PTPRT: variants seen among roughly 807,000 people sequenced by gnomAD.
The protein encoded by PTPRT is protein tyrosine phosphatase receptor type T.
A neutral mutation model predicts 176.8 loss-of-function variants in PTPRT; 56 were observed. The observed-to-expected ratio is 0.32, with a 90% CI of 0.26 to 0.40. The LOEUF (loss-of-function observed/expected upper bound fraction) is 0.40, where lower values mean the gene tolerates loss of function less well. Among genes scored for constraint, PTPRT ranks in the 10% least tolerant of loss-of-function variants. PTPRT has a pLI of 1.00. For missense variants in PTPRT, 1,540 were observed against 1,908.2 expected (o/e 0.81, Z 3.60); for synonymous variants, 783 against 739.0 (o/e 1.06, Z -0.96).
chr20:42,107,406 C>T (rs1401023298), intron 23 of PTPRT, among the ~76,000 whole-genome samples: 4 of 152,146 alleles, frequency 2.6e-5, no homozygotes, highest in East Asian at 1.9e-4. Flanking sequence ...CAGCTGTTTT[C>T]GCAGGATCGT....
chr20:42,082,358 C>G (rs2144002), intron 29 of PTPRT, among the ~76,000 whole-genome samples: 30,538 of 152,196 alleles, frequency 0.2, 5,299 homozygotes, highest in African/African-American at 0.45. Context: ...CACCCAAACC[C>G]CAAGGGCAGG....
At chr20:42,378,366 A>C (rs2058669425) in intron 9 of PTPRT, among the ~76,000 whole-genome samples, 1 of 152,188 alleles carries the variant, frequency 6.6e-6, no homozygotes, top group African/African-American at 2.4e-5. Context: ...CATCTCGAAA[A>C]GTCAGGATTT....
chr20:42,488,918 C>A, intron 7 of PTPRT, among the ~76,000 whole-genome samples: 1 of 149,066 alleles, frequency 6.7e-6, no homozygotes, highest in African/African-American at 2.5e-5. Flanking sequence ...GAGCTGCACT[C>A]CAGCCTGGGC....
chr20:42,199,474 C>T lies in PTPRT; in HGVS notation c.2343-86G>A, dbSNP rs117023281. The T allele has an allele frequency of 7.8e-4, 1,115 of 1,435,300 alleles. 6 individuals are homozygous for T. In the East Asian group the frequency reaches 0.024, roughly 31 times the overall value. 88.9% of individuals were successfully genotyped at this position (1,435,300 alleles called of 1,614,324 possible). A position where few individuals can be genotyped will look rare whatever the true frequency, so the allele number is the denominator to read the frequency against. The stretch of plus-strand genomic sequence containing the variant: ...TTGGGTAGATTGTTCTTCCCCAATG[C>T]TCATCCTCAACCCCCAAATCTGGTT... On this transcript the variant is annotated intron_variant, in intron 15 of 30. Coordinates refer to ENST00000373187, the MANE Select transcript of PTPRT (RefSeq NM_007050.6).
intron 1 of PTPRT, among the ~76,000 whole-genome samples, chr20:42,936,307 C>A (rs1980187866): frequency 6.6e-6 from 1 of 152,162 alleles, no homozygotes; most frequent in Admixed American, 6.5e-5. Flanking sequence ...AAGAAGCTAT[C>A]ACATGGTTGT....
intron 11 of PTPRT, among the ~76,000 whole-genome samples, chr20:42,349,299 G>A (rs2058242159): frequency 6.6e-6 from 1 of 152,078 alleles, no homozygotes; most frequent in Non-Finnish European, 1.5e-5. Flanking sequence ...AGCAACAACC[G>A]CCCTGGTTGC....
intron 7 of PTPRT, among the ~76,000 whole-genome samples, chr20:42,615,201 C>A (rs2074051449): frequency 7.6e-6 from 1 of 130,894 alleles, no homozygotes; most frequent in Non-Finnish European, 1.6e-5. Context: ...GTTTTTTGTT[C>A]TTGCGATAGT....
intron 1 of PTPRT, among the ~76,000 whole-genome samples, chr20:43,139,110 A>G (rs965253945): frequency 2.6e-5 from 4 of 152,188 alleles, no homozygotes; most frequent in African/African-American, 7.2e-5. Flanking sequence ...CACTTAATCT[A>G]ATAGAGACCG....
At chr20:42,262,654 C>A (rs2056769231) in intron 13 of PTPRT, among the ~76,000 whole-genome samples, 2 of 152,200 alleles carry the variant, frequency 1.3e-5, no homozygotes, top group East Asian at 1.9e-4. Flanking sequence ...GGTGAGTATA[C>A]CATGCCTGGC....
At chr20:42,621,756 G>A (rs1476866657) in intron 7 of PTPRT, among the ~76,000 whole-genome samples, 6 of 152,048 alleles carry the variant, frequency 3.9e-5, no homozygotes, top group Non-Finnish European at 8.8e-5. Flanking sequence ...CTAGATCCTG[G>A]TGACTCTCAA....
intron 15 of PTPRT, among the ~76,000 whole-genome samples, chr20:42,232,946 C>T (rs1199389626): frequency 6.6e-6 from 1 of 152,120 alleles, no homozygotes; most frequent in African/African-American, 2.4e-5. Context: ...CAGGCTGTGC[C>T]CAAACCCACC....
intron 2 of PTPRT, among the ~76,000 whole-genome samples, chr20:42,842,248 C>T (rs6065544): frequency 0.088 from 13,387 of 152,132 alleles, 717 homozygotes; most frequent in Admixed American, 0.15. Flanking sequence ...TGCGAACATC[C>T]CCAAAGCTCC....
chr20:42,241,980 G>C (rs1031327774), intron 14 of PTPRT, among the ~76,000 whole-genome samples: 1 of 152,110 alleles, frequency 6.6e-6, no homozygotes, highest in Non-Finnish European at 1.5e-5. Context: ...CCATTTATTA[G>C]GTATGTGATT....
At chr20:42,048,324 T>A in the PTPRT span, among the ~76,000 whole-genome samples, 1 of 152,216 alleles carries the variant, frequency 6.6e-6, no homozygotes, top group South Asian at 2.1e-4. Context: ...TCTCTGGTGC[T>A]CCTCCCAATG....
At chr20:42,957,317 TA>T (rs1463150194) in intron 1 of PTPRT, among the ~76,000 whole-genome samples, 2 of 152,172 alleles carry the variant, frequency 1.3e-5, no homozygotes, top group African/African-American at 4.8e-5. Context: ...TAAACATTTA[TA>T]AAAACAGATT....
chr20:43,130,488 T>C (rs2013610840), intron 1 of PTPRT, among the ~76,000 whole-genome samples: 1 of 152,148 alleles, frequency 6.6e-6, no homozygotes, highest in Non-Finnish European at 1.5e-5. Context: ...AACATTCACC[T>C]ACCACACTCA....
chr20:42,748,484 C>A (rs1332109342), intron 6 of PTPRT, among the ~76,000 whole-genome samples: 3 of 152,198 alleles, frequency 2.0e-5, no homozygotes, highest in African/African-American at 7.2e-5. Flanking sequence ...TGCCTCTCCT[C>A]CTAGCATGAG....
chr20:42,562,118 G>A (rs573212341), intron 7 of PTPRT, among the ~76,000 whole-genome samples: 4 of 152,122 alleles, frequency 2.6e-5, no homozygotes, highest in Non-Finnish European at 5.9e-5. Context: ...ATTTTCTTCT[G>A]AGCTGTAATT....
chr20:42,495,539 C>G (rs6093661), intron 7 of PTPRT, among the ~76,000 whole-genome samples: 3 of 152,190 alleles, frequency 2.0e-5, no homozygotes, highest in African/African-American at 7.2e-5. Flanking sequence ...TCTCTGGCAA[C>G]TGTCAAAAGG....
Sources: gnomAD v4.1 joint callset for allele counts (sites outside exome capture counted in the v4.1 genomes callset) on GRCh38, gnomAD v4.1.1 for gene constraint, MANE v1.5 for transcripts, NCBI Gene and HGNC (gene_info 2026-07-23, HGNC 2026-07-21) for gene names.